Variants in RBFOX1 observed in about 807,000 individuals in gnomAD.
RBFOX1 encodes the protein RNA binding fox-1 homolog 1.
In RBFOX1, 8 loss-of-function variants were observed where a neutral mutation model predicts 57.7. The ratio of observed to expected loss-of-function variants is 0.14; its 90% confidence interval spans 0.08 to 0.25. The LOEUF is 0.25. Among genes scored for constraint, RBFOX1 ranks in the 10% least tolerant of loss-of-function variants. The pLI, the probability that RBFOX1 is intolerant of heterozygous loss-of-function variation, is 1.00. For missense variants in RBFOX1, 611 were observed against 548.5 expected, an observed-to-expected ratio of 1.11 and a Z score of -1.14; for synonymous variants, 326 against 222.4, an observed-to-expected ratio of 1.47 and a Z score of -4.15.
At chr16:7,602,772 T>C (rs961511420) in intron 9 of RBFOX1, among the ~76,000 whole-genome samples, 1 of 152,212 alleles carries the variant, frequency 6.6e-6, no homozygotes, top group Non-Finnish European at 1.5e-5. Context: ...TTCCAACAGC[T>C]GCAGAATACA....
chr16:6,693,688 T>A (rs929104968), intron 3 of RBFOX1, among the ~76,000 whole-genome samples: 1 of 149,592 alleles, frequency 6.7e-6, no homozygotes, highest in East Asian at 2.0e-4. Context: ...ATCACCACCA[T>A]CATCATCACC....
chr16:7,282,525 G>C (rs1368235701), intron 4 of RBFOX1, among the ~76,000 whole-genome samples: 1 of 151,932 alleles, frequency 6.6e-6, no homozygotes, highest in Non-Finnish European at 1.5e-5. Context: ...CCTCTCCCTG[G>C]AGCCTTCTGC....
rs187455237 is a variant in RBFOX1, at chr16:6,994,399, G to A, written c.-15-57658G>A. On this transcript the variant is annotated intron_variant, in intron 3 of 15. Coordinates refer to ENST00000550418, the MANE Select transcript of RBFOX1 (RefSeq NM_018723.4). ...GAGTTGAGCTGAAAACATGAATAGT[G>A]CATGGGCAATGCTTCAGGCACCCAA... 5.9e-5 allele frequency among the ~76,000 whole-genome samples: 9 copies of A among 152,294 alleles called. No homozygotes were observed. The East Asian group carries it at 9.6e-4, about 16-fold the overall frequency.
intron 2 of RBFOX1, among the ~76,000 whole-genome samples, chr16:5,508,354 C>G (rs1264545364): frequency 6.6e-6 from 1 of 152,214 alleles, no homozygotes; most frequent in Non-Finnish European, 1.5e-5. Context: ...CATCTCCCCA[C>G]TCCAATGCGG....
intron 4 of RBFOX1, among the ~76,000 whole-genome samples, chr16:7,337,006 C>T (rs1262508505): frequency 1.3e-5 from 2 of 152,196 alleles, no homozygotes; most frequent in Non-Finnish European, 2.9e-5. Context: ...AGCATTTCCA[C>T]TGAAATAACT....
intron 3 of RBFOX1, among the ~76,000 whole-genome samples, chr16:6,946,693 C>G (rs1365564935): frequency 2.0e-5 from 3 of 152,092 alleles, no homozygotes; most frequent in South Asian, 2.1e-4. Flanking sequence ...ATCTCAAACT[C>G]CTGGGCTCAA....
At chr16:7,359,092 G>C (rs1013247222) in intron 4 of RBFOX1, among the ~76,000 whole-genome samples, 9 of 152,156 alleles carry the variant, frequency 5.9e-5, no homozygotes, top group Admixed American at 5.9e-4. Flanking sequence ...ATCTAAGGAG[G>C]TACAGAAAAC....
At chr16:5,671,446 T>A (rs904755117) in intron 3 of RBFOX1, among the ~76,000 whole-genome samples, 1 of 152,226 alleles carries the variant, frequency 6.6e-6, no homozygotes, top group Non-Finnish European at 1.5e-5. Context: ...ACTGATGTTA[T>A]TTTCTTTAAT....
intron 4 of RBFOX1, among the ~76,000 whole-genome samples, chr16:7,210,458 A>G (rs528655605): frequency 2.5e-4 from 38 of 151,982 alleles, no homozygotes; most frequent in African/African-American, 5.8e-4. Context: ...TCTTAAGACA[A>G]TCTACTTTAC....
intron 4 of RBFOX1, among the ~76,000 whole-genome samples, chr16:7,429,162 T>C (rs1253005785): frequency 6.6e-6 from 1 of 152,122 alleles, no homozygotes; most frequent in East Asian, 1.9e-4. Flanking sequence ...ACACTGTGAA[T>C]ATAATCTTGT....
intron 4 of RBFOX1, among the ~76,000 whole-genome samples, chr16:7,443,347 C>G (rs1295271833): frequency 6.6e-6 from 1 of 151,894 alleles, no homozygotes; most frequent in Non-Finnish European, 1.5e-5. Context: ...AATTCCTACC[C>G]CATCCCCCTC....
chr16:6,973,812 A>C (rs2153574254), intron 3 of RBFOX1, among the ~76,000 whole-genome samples: 1 of 152,274 alleles, frequency 6.6e-6, no homozygotes, highest in South Asian at 2.1e-4. Flanking sequence ...GTACATGTGC[A>C]GGATGTGTAG....
At chr16:7,642,064 A>G (rs922735250) in intron 11 of RBFOX1, among the ~76,000 whole-genome samples, 40 of 152,294 alleles carry the variant, frequency 2.6e-4, no homozygotes, top group African/African-American at 9.6e-4. Flanking sequence ...GCAGTGATCC[A>G]TGACCACGCC....
intron 2 of RBFOX1, among the ~76,000 whole-genome samples, chr16:6,624,702 G>A (rs1309664971): frequency 3.3e-5 from 5 of 152,228 alleles, no homozygotes; most frequent in South Asian, 2.1e-4. Flanking sequence ...CCTAGACGTC[G>A]TTGTAAAACA....
chr16:6,584,988 C>G (rs1012512612), intron 2 of RBFOX1, among the ~76,000 whole-genome samples: 5 of 152,190 alleles, frequency 3.3e-5, no homozygotes, highest in African/African-American at 9.7e-5. Flanking sequence ...CAAAAGGATG[C>G]TCAACCAAAG....
chr16:6,648,550 G>A (rs971665503), intron 2 of RBFOX1, among the ~76,000 whole-genome samples: 12 of 152,070 alleles, frequency 7.9e-5, no homozygotes, highest in Non-Finnish European at 1.5e-4. Context: ...GGAATTACCC[G>A]CAGCCCTGTC....
At chr16:5,702,721 A>G (rs942848079) in intron 3 of RBFOX1, among the ~76,000 whole-genome samples, 1 of 152,196 alleles carries the variant, frequency 6.6e-6, no homozygotes, top group Admixed American at 6.5e-5. Context: ...AGTGGTGTTG[A>G]CCTCATAAAA....
intron 4 of RBFOX1, among the ~76,000 whole-genome samples, chr16:7,485,861 G>T (rs891257999): frequency 2.0e-5 from 3 of 152,110 alleles, no homozygotes; most frequent in Admixed American, 6.5e-5. Flanking sequence ...CGGTCTGCAG[G>T]CCCATCACCT....
chr16:6,936,868 G>A (rs1468055009), intron 3 of RBFOX1, among the ~76,000 whole-genome samples: 1 of 146,228 alleles, frequency 6.8e-6, no homozygotes, highest in Non-Finnish European at 1.5e-5. Context: ...GCTGCTCTCT[G>A]AAATTTTTAA....
Sources: gnomAD v4.1 joint callset for allele counts (sites outside exome capture counted in the v4.1 genomes callset) on GRCh38, gnomAD v4.1.1 for gene constraint, MANE v1.5 for transcripts, NCBI Gene and HGNC (gene_info 2026-07-23, HGNC 2026-07-21) for gene names.